ODR4: variants seen among roughly 807,000 people sequenced by gnomAD.
ODR4 encodes odr-4 GPCR localization factor homolog.
Under a neutral mutation model 60.2 loss-of-function variants are expected in ODR4, and 47 were observed. The ratio of observed to expected loss-of-function variants is 0.78; its 90% CI spans 0.62 to 1.00. ODR4 has a LOEUF of 1.00. Ranked by LOEUF, ODR4 falls within the 50% of genes least tolerant of loss-of-function variation. The pLI, the probability that ODR4 is intolerant of heterozygous loss-of-function variation, is 0.00. For synonymous variants in ODR4, 178 were observed against 175.5 expected, an observed-to-expected ratio of 1.01 and a Z score of -0.11; for missense variants, 488 against 530.8, an observed-to-expected ratio of 0.92 and a Z score of 0.79.
chr1:186,389,424 A>G (rs1660372070), intron 5 of ODR4, among the ~76,000 whole-genome samples, 164 bp from the exon 6 acceptor site: 1 of 152,210 alleles, frequency 6.6e-6, no homozygotes, highest in African/African-American at 2.4e-5. Flanking sequence ...ACACATATGT[A>G]TATATATGCA....
intron 7 of ODR4, 79 bp from the exon 8 acceptor site, chr1:186,391,617 G>T: frequency 1.2e-6 from 1 of 860,492 alleles, no homozygotes. Context: ...AATTTATTAG[G>T]TGGAACAAAG....
intron 1 of ODR4, among the ~76,000 whole-genome samples, chr1:186,379,314 G>A (rs1400742977): frequency 6.6e-6 from 1 of 151,782 alleles, no homozygotes; most frequent in Admixed American, 6.6e-5. Flanking sequence ...ATGGTCGTGA[G>A]CCCCTGTAAC....
intron 1 of ODR4, among the ~76,000 whole-genome samples, chr1:186,376,536 A>G (rs1659774966): frequency 6.6e-6 from 1 of 152,148 alleles, no homozygotes; most frequent in Non-Finnish European, 1.5e-5. Flanking sequence ...TTTAGTTCTT[A>G]TATGAAATTT....
chr1:186,393,352 T>C (rs1191259039), intron 8 of ODR4, among the ~76,000 whole-genome samples: 2 of 152,256 alleles, frequency 1.3e-5, no homozygotes, highest in African/African-American at 4.8e-5. Flanking sequence ...GAGTGTCATC[T>C]GAATTTCATC....
At chr1:186,431,947 A>G in the ODR4 span, among the ~76,000 whole-genome samples, 1 of 152,134 alleles carries the variant, frequency 6.6e-6, no homozygotes, top group African/African-American at 2.4e-5. Context: ...TATGTTTTAG[A>G]TACTGATTGT....
intron 12 of ODR4, among the ~76,000 whole-genome samples, chr1:186,408,690 A>C (rs1478659063): frequency 6.6e-6 from 1 of 150,592 alleles, no homozygotes; most frequent in Non-Finnish European, 1.5e-5. Flanking sequence ...TTTCTTATAA[A>C]AATATAAAAT....
chr1:186,431,598 C>T, the ODR4 span, among the ~76,000 whole-genome samples: 22 of 152,256 alleles, frequency 1.4e-4, no homozygotes, highest in East Asian at 4.1e-3. Context: ...ATACAAATAG[C>T]ATGACCCTAA....
chr1:186,381,913 A>G (rs1660048531), intron 2 of ODR4, among the ~76,000 whole-genome samples: 1 of 151,944 alleles, frequency 6.6e-6, no homozygotes, highest in Admixed American at 6.6e-5. Context: ...AGTTACTCTT[A>G]TTTTCTATCC....
At position 186,419,078 on chromosome 1, in the gene ODR4, G is replaced by C. The variant is rs898915389; in HGVS notation, c.*2G>C. On this transcript the variant is annotated 3_prime_UTR_variant, in exon 14 of 14. Transcript: ENST00000287859. ...TCCTTTCATTACTTCAGTGATTAGG[G>C]TGAGGCACAAAGAGTTTCTTGATCA... is the stretch of plus-strand genomic sequence containing the variant. 1.9e-6 allele frequency: 3 copies of C among 1,608,446 alleles called. No homozygotes were observed. In the African/African-American group the frequency reaches 4.0e-5, roughly 21 times the overall value.
At chr1:186,399,143 C>A in intron 11 of ODR4, 99 bp downstream of exon 11, 3 of 780,732 alleles carry the variant, frequency 3.8e-6, no homozygotes, top group Non-Finnish European at 6.5e-6. Flanking sequence ...AGCTACCTAT[C>A]TATATTTTCA....
At chr1:186,391,585 G>A (rs1465984140) in intron 7 of ODR4, 111 bp from the exon 8 acceptor site, 30 of 733,072 alleles carry the variant, frequency 4.1e-5, no homozygotes, top group Non-Finnish European at 1.6e-5. Flanking sequence ...GCAGTAATGA[G>A]ATTTAGGGAT....
the ODR4 span, among the ~76,000 whole-genome samples, chr1:186,430,858 CTTT>C: frequency 3.2e-4 from 46 of 144,474 alleles, no homozygotes; most frequent in African/African-American, 1.1e-3. Flanking sequence ...CCCTCCCTCC[CTTT>C]TTTTTTTTTT....
At chr1:186,413,618 T>C (rs1010425603) in intron 12 of ODR4, among the ~76,000 whole-genome samples, 3 of 152,184 alleles carry the variant, frequency 2.0e-5, no homozygotes, top group Non-Finnish European at 4.4e-5. Flanking sequence ...CTTTAAAATC[T>C]GGTGAACCTC....
the ODR4 span, among the ~76,000 whole-genome samples, chr1:186,430,857 C>A: frequency 1.6e-5 from 2 of 128,708 alleles, no homozygotes; most frequent in African/African-American, 6.5e-5. Context: ...ACCCTCCCTC[C>A]CTTTTTTTTT....
At chr1:186,396,363 C>T (rs1291720833) in intron 9 of ODR4, among the ~76,000 whole-genome samples, 2 of 152,178 alleles carry the variant, frequency 1.3e-5, no homozygotes, top group African/African-American at 2.4e-5. Context: ...AATCCCAGCA[C>T]TTTGGGAGGC....
In ODR4 at chr1:186,391,987, C is replaced by A. The variant is rs995220872; in HGVS notation, c.711+196C>A. ...AAAGTAGGCAGAGGATATGAACAGA[C>A]ACTTTTCAAAAGAAGACATACATGC... On this transcript the variant is annotated intron_variant, in intron 8 of 13. Transcript: ENST00000287859. 3.3e-5 allele frequency among the ~76,000 whole-genome samples: 5 copies of A among 152,070 alleles called. No homozygotes were observed. The East Asian group carries it at 9.6e-4, about 29-fold the overall frequency.
chr1:186,399,541 A>G (rs1660841635), intron 11 of ODR4, among the ~76,000 whole-genome samples: 1 of 152,024 alleles, frequency 6.6e-6, no homozygotes, highest in African/African-American at 2.4e-5. Context: ...TATCAAATTT[A>G]GCAAATTTGT....
chr1:186,426,911 G>A, the ODR4 span, among the ~76,000 whole-genome samples: 2 of 152,018 alleles, frequency 1.3e-5, no homozygotes, highest in Non-Finnish European at 2.9e-5. Context: ...AGTCTAGTAA[G>A]TGCACAATAG....
chr1:186,382,889 T>C, intron 2 of ODR4, 133 bp from the exon 3 acceptor site: 3 of 837,866 alleles, frequency 3.6e-6, no homozygotes, highest in Non-Finnish European at 5.3e-6. Flanking sequence ...ATAATGTGGG[T>C]ATTAATGATT....
Sources: gnomAD v4.1 joint callset for allele counts (sites outside exome capture counted in the v4.1 genomes callset) on GRCh38, gnomAD v4.1.1 for gene constraint, MANE v1.5 for transcripts, NCBI Gene and HGNC (gene_info 2026-07-23, HGNC 2026-07-21) for gene names.